Variants in GABRA2 observed in about 807,000 individuals in gnomAD.
GABRA2 encodes gamma-aminobutyric acid type A receptor subunit alpha2.
Under a neutral mutation model 48.7 loss-of-function variants are expected in GABRA2, and 16 were observed. The observed-to-expected ratio is 0.33, with a 90% CI of 0.22 to 0.50. The LOEUF is 0.50. Ranked by LOEUF, GABRA2 falls within the 20% of genes least tolerant of loss-of-function variation. The pLI is 0.98. For missense variants in GABRA2, 275 were observed against 535.6 expected, an observed-to-expected ratio of 0.51 and a Z score of 4.80; for synonymous variants, 185 against 184.5, an observed-to-expected ratio of 1.00 and a Z score of -0.02.
At chr4:46,327,451 C>A (rs1730583270) in intron 4 of GABRA2, among the ~76,000 whole-genome samples, 1 of 151,956 alleles carries the variant, frequency 6.6e-6, no homozygotes, top group Non-Finnish European at 1.5e-5. Context: ...TCCAAAATGT[C>A]AATAACCTTA....
At chr4:46,330,591 T>TATATATATATATATAGAGAGAG (rs1411755120) in intron 4 of GABRA2, among the ~76,000 whole-genome samples, 2 of 122,688 alleles carry the variant, frequency 1.6e-5, no homozygotes, top group Admixed American at 1.9e-4. Flanking sequence ...TATATATATA[T>TATATATATATATATAGAGAGAG]AGAGAGAGAG....
chr4:46,253,664 A>G (rs941151340), intron 9 of GABRA2, among the ~76,000 whole-genome samples: 6 of 151,606 alleles, frequency 4.0e-5, no homozygotes, highest in Admixed American at 1.3e-4. Context: ...CTTGGAAACT[A>G]CCATTTTCAG....
chr4:46,366,209 A>C (rs1387922288), intron 3 of GABRA2: 1 of 152,068 alleles, frequency 6.6e-6, no homozygotes, highest in African/African-American at 2.4e-5. Context: ...ACAACACCCT[A>C]ATAGATTTTC....
intron 8 of GABRA2, among the ~76,000 whole-genome samples, chr4:46,265,008 A>AAG (rs1393614782): frequency 2.1e-4 from 12 of 58,044 alleles, no homozygotes; most frequent in South Asian, 2.2e-3. Flanking sequence ...TATATGTATA[A>AAG]AGAGAGAGAG....
chr4:46,257,228 TA>T (rs954318751), intron 9 of GABRA2, among the ~76,000 whole-genome samples: 1 of 151,642 alleles, frequency 6.6e-6, no homozygotes, highest in Non-Finnish European at 1.5e-5. Context: ...TGAGAGGAGT[TA>T]AATAAATTAA....
At chr4:46,277,945 T>C (rs910746636) in intron 8 of GABRA2, among the ~76,000 whole-genome samples, 3 of 152,214 alleles carry the variant, frequency 2.0e-5, no homozygotes, top group Non-Finnish European at 4.4e-5. Context: ...CATACATGTA[T>C]TTTTGTGTAT....
At chr4:46,389,251 C>G (rs1331059867) in intron 1 of GABRA2, 5 of 985,524 alleles carry the variant, frequency 5.1e-6, no homozygotes, top group Non-Finnish European at 6.0e-6. Flanking sequence ...GCGGTCCTCA[C>G]GTCTTCTTTT....
At chr4:46,331,034 G>C (rs1731264667) in intron 4 of GABRA2, among the ~76,000 whole-genome samples, 1 of 152,054 alleles carries the variant, frequency 6.6e-6, no homozygotes, top group South Asian at 2.1e-4. Context: ...TCATTATAAG[G>C]ATCTGTCCAC....
chr4:46,352,535 A>G (rs1258149298), intron 3 of GABRA2, among the ~76,000 whole-genome samples: 1 of 152,010 alleles, frequency 6.6e-6, no homozygotes, highest in Admixed American at 6.6e-5. Flanking sequence ...CAAAAACGAA[A>G]TGCATCATTT....
At chr4:46,361,661 T>C (rs1323961082) in intron 3 of GABRA2, among the ~76,000 whole-genome samples, 1 of 152,144 alleles carries the variant, frequency 6.6e-6, no homozygotes, top group African/African-American at 2.4e-5. Flanking sequence ...GATCCCAGAA[T>C]GGTAGATCCA....
At chr4:46,260,160 C>T (rs1314112720) in intron 9 of GABRA2, among the ~76,000 whole-genome samples, 1 of 151,782 alleles carries the variant, frequency 6.6e-6, no homozygotes, top group Non-Finnish European at 1.5e-5. Flanking sequence ...TGCTAAGGAC[C>T]AGGCACTGTG....
intron 3 of GABRA2, among the ~76,000 whole-genome samples, chr4:46,372,480 A>G (rs1715049122): frequency 6.6e-6 from 1 of 152,180 alleles, no homozygotes; most frequent in Non-Finnish European, 1.5e-5. Context: ...AACACTAAGG[A>G]AGGTGATTAA....
rs1716476797 is a variant in GABRA2, at chr4:46,379,566, T to G, written c.187+6508A>C. On this transcript the variant is annotated intron_variant, in intron 3 of 9. Transcript: ENST00000381620. The stretch of plus-strand genomic sequence containing the variant: ...TGTGACCTTTAGGGAGCCTAGTGGG[T>G]GGATCTCATGCGGAGCATTAAAGGG... Among the ~76,000 whole-genome samples the G allele has an allele frequency of 2.0e-5, 3 of 152,290 alleles. No homozygotes were observed. In the South Asian group the frequency reaches 6.2e-4, roughly 32 times the overall value.
chr4:46,325,219 C>A (rs1730148339), intron 4 of GABRA2, among the ~76,000 whole-genome samples: 1 of 151,894 alleles, frequency 6.6e-6, no homozygotes, highest in African/African-American at 2.4e-5. Flanking sequence ...AGTATGTAAG[C>A]ACTCCTTTTT....
At chr4:46,342,875 C>T (rs1733514894) in intron 3 of GABRA2, among the ~76,000 whole-genome samples, 1 of 152,004 alleles carries the variant, frequency 6.6e-6, no homozygotes, top group Non-Finnish European at 1.5e-5. Flanking sequence ...GTTGCCCAAG[C>T]TGGCCTTGAA....
In GABRA2 at chr4:46,313,612, C is replaced by A. The variant is rs1265572606; in HGVS notation, c.256-896G>T. Among the ~76,000 whole-genome samples, 5 of 151,516 alleles carry A rather than the reference C, an allele frequency of 3.3e-5. No individual in the cohort carries two copies. In the East Asian group the frequency reaches 7.8e-4, roughly 23 times the overall value. ...CTCTTTACCTCTCTCTCTATCTTTACCCTATCATTCTTAAGGTAACGTACA... is the reference window on the plus strand; with the variant it reads ...CTCTTTACCTCTCTCTCTATCTTTAACCTATCATTCTTAAGGTAACGTACA... On this transcript the variant is annotated intron_variant, in intron 4 of 9. Transcript: ENST00000381620.
At chr4:46,297,973 G>A (rs968663816) in intron 8 of GABRA2, among the ~76,000 whole-genome samples, 1 of 151,930 alleles carries the variant, frequency 6.6e-6, no homozygotes. Flanking sequence ...AATTTCCCAT[G>A]TGATTTATTA....
At chr4:46,354,041 AAT>A (rs1735581812) in intron 3 of GABRA2, among the ~76,000 whole-genome samples, 1 of 152,208 alleles carries the variant, frequency 6.6e-6, no homozygotes, top group Admixed American at 6.6e-5. Context: ...ATTAATAAAA[AAT>A]AGTGTCCTTT....
In GABRA2 at chr4:46,307,970, A is replaced by C. The variant is rs190441935; in HGVS notation, c.559+2203T>G. 2.8e-3 allele frequency among the ~76,000 whole-genome samples: 430 copies of C among 152,312 alleles called. 1 individual carries two copies. Among genetic ancestry groups the C allele is most frequent in the Middle Eastern group, 0.014 (4 of 294 alleles). On this transcript the variant is annotated intron_variant, in intron 6 of 9. Coordinates refer to ENST00000381620, the MANE Select transcript of GABRA2 (RefSeq NM_000807.4). ...TCTCAATAAAGTATCAAAGGAGAGAAAGTTTTACAAAATTCATTATAAATT... is the reference window on the plus strand; with the variant it reads ...TCTCAATAAAGTATCAAAGGAGAGACAGTTTTACAAAATTCATTATAAATT...
Sources: allele counts gnomAD v4.1 joint callset (sites outside exome capture counted in the v4.1 genomes callset), GRCh38; gene constraint gnomAD v4.1.1; transcripts MANE v1.5; gene names NCBI Gene and HGNC (gene_info 2026-07-23, HGNC 2026-07-21).